Variants in MAP2K5 observed in about 807,000 individuals in gnomAD.
The protein encoded by MAP2K5 is dual specificity mitogen-activated protein kinase kinase 5.
A neutral mutation model predicts 83.1 loss-of-function variants in MAP2K5; 49 were observed. The observed-to-expected ratio is 0.59, with a 90% CI of 0.47 to 0.75. The LOEUF is 0.75. Among genes scored for constraint, MAP2K5 ranks in the 30% least tolerant of loss-of-function variants. MAP2K5 has a pLI of 0.00. For synonymous variants in MAP2K5, 202 were observed against 191.8 expected, an observed-to-expected ratio of 1.05 and a Z score of -0.44; for missense variants, 457 against 557.5, an observed-to-expected ratio of 0.82 and a Z score of 1.82.
chr15:67,549,939 A>G, intron 1 of MAP2K5, 95 bp from the exon 2 acceptor site: 1 of 906,658 alleles, frequency 1.1e-6, no homozygotes, highest in Non-Finnish European at 1.8e-6. Flanking sequence ...CGTTTCAAAA[A>G]TCTTTCCCAG....
intron 17 of MAP2K5, among the ~76,000 whole-genome samples, chr15:67,731,254 G>A (rs1007776185): frequency 5.9e-5 from 9 of 152,164 alleles, no homozygotes; most frequent in African/African-American, 2.2e-4. Context: ...AGCATCATTA[G>A]CAGCCCCTCT....
At chr15:67,728,777 G>A (rs2089159459) in intron 17 of MAP2K5, among the ~76,000 whole-genome samples, 1 of 152,182 alleles carries the variant, frequency 6.6e-6, no homozygotes. Flanking sequence ...AATAAGTGTT[G>A]TATTACACAT....
chr15:67,789,456 C>T (rs184683151), intron 21 of MAP2K5, among the ~76,000 whole-genome samples: 16 of 152,234 alleles, frequency 1.1e-4, no homozygotes, highest in African/African-American at 3.4e-4. Flanking sequence ...GGCGGCTTAA[C>T]GCCTGTAATC....
intron 8 of MAP2K5, among the ~76,000 whole-genome samples, chr15:67,607,052 G>T (rs536798693): frequency 6.6e-6 from 1 of 152,142 alleles, no homozygotes; most frequent in South Asian, 2.1e-4. Flanking sequence ...TGCATGATGT[G>T]TATCTTGTAA....
intron 8 of MAP2K5, among the ~76,000 whole-genome samples, chr15:67,601,336 G>A (rs370944412): frequency 1.2e-4 from 18 of 152,266 alleles, no homozygotes; most frequent in African/African-American, 4.1e-4. Flanking sequence ...AAAAATGCTA[G>A]CCATAAAAAA....
chr15:67,739,450 ATATATATATATATTTTTTTTTTTTTTTT>A (rs2089431821), intron 17 of MAP2K5, among the ~76,000 whole-genome samples: 3 of 17,420 alleles, frequency 1.7e-4, no homozygotes, highest in African/African-American at 6.2e-4. Context: ...ATATATATAT[ATATATATATATATTTTTTTTTTTTTTTT>A]TTTTTTTTTT....
chr15:67,710,032 C>T (rs2088652538), intron 16 of MAP2K5, among the ~76,000 whole-genome samples: 1 of 152,112 alleles, frequency 6.6e-6, no homozygotes, highest in African/African-American at 2.4e-5. Flanking sequence ...AAGCCTGCCC[C>T]CCACCCTTTT....
rs1441013456 is a variant in MAP2K5 at position 67,690,449 on chromosome 15, G to A, written c.848-2030G>A. Among the ~76,000 whole-genome samples, 1 of 152,102 alleles carries A rather than the reference G, an allele frequency of 6.6e-6. No individual in the cohort carries two copies. Among genetic ancestry groups the A allele is most frequent in the African/African-American group, 2.4e-5 (1 of 41,412 alleles). On this transcript the variant is annotated intron_variant, in intron 13 of 21. Coordinates refer to ENST00000178640, the MANE Select transcript of MAP2K5 (RefSeq NM_145160.3). This position sits in a 1 kb window ranked among gnomAD's most constrained non-coding sequence, Gnocchi z 4.3. ...TGGTATATTTAAGGTTTAATATGAT[G>A]ATGGTATAAGAATTATGTTGAAAAA...
intron 9 of MAP2K5, among the ~76,000 whole-genome samples, chr15:67,635,631 A>G (rs1414446016): frequency 1.3e-5 from 2 of 152,014 alleles, no homozygotes; most frequent in African/African-American, 4.8e-5. Flanking sequence ...TTCTTCCTTT[A>G]CATTTCATAT....
intron 8 of MAP2K5, among the ~76,000 whole-genome samples, chr15:67,627,405 T>C (rs1282254526): frequency 2.0e-5 from 3 of 152,242 alleles, no homozygotes; most frequent in Non-Finnish European, 4.4e-5. Flanking sequence ...GAAATATACT[T>C]GAATTTCTGT....
chr15:67,658,671 C>A, intron 12 of MAP2K5, 57 bp downstream of exon 12: 1 of 1,365,452 alleles, frequency 7.3e-7, no homozygotes, highest in Non-Finnish European at 1.0e-6. Flanking sequence ...TCTAATCAAG[C>A]TCATTCTTCT....
intron 21 of MAP2K5, among the ~76,000 whole-genome samples, chr15:67,784,652 G>C (rs912858456): frequency 3.3e-5 from 5 of 152,188 alleles, no homozygotes; most frequent in African/African-American, 1.2e-4. Context: ...GTTTGCACCT[G>C]GTCTGTTAGT....
rs188017879 is a variant in MAP2K5 at position 67,760,122 on chromosome 15, G to A, written c.1135-9480G>A. Among the ~76,000 whole-genome samples the A allele has an allele frequency of 1.2e-3, 178 of 152,318 alleles. 1 individual carries two copies. The highest frequency in any genetic ancestry group is 9.1e-3 in the Admixed American group (140 of 15,302). On this transcript the variant is annotated intron_variant, in intron 19 of 21. Coordinates refer to ENST00000178640, the MANE Select transcript of MAP2K5 (RefSeq NM_145160.3). The surrounding 1 kb of genome is among the most constrained non-coding windows in gnomAD (Gnocchi z 4.1). ...TGGTTTGAAAATTGAAAATAGGTTAGCATTAAGGCCAGGATTCCTTTAGTA... is the reference window on the plus strand; with the variant it reads ...TGGTTTGAAAATTGAAAATAGGTTAACATTAAGGCCAGGATTCCTTTAGTA...
At chr15:67,547,615 C>G (rs1211968704) in intron 1 of MAP2K5, among the ~76,000 whole-genome samples, 1 of 152,012 alleles carries the variant, frequency 6.6e-6, no homozygotes, top group South Asian at 2.1e-4. Flanking sequence ...ACCACACATC[C>G]AGCTAATTTT....
At chr15:67,549,272 T>C in intron 1 of MAP2K5, 1 of 1,356,402 alleles carries the variant, frequency 7.4e-7, no homozygotes, top group East Asian at 2.5e-5. Context: ...GTTTTCAACT[T>C]TATAGATTTA....
At chr15:67,669,156 G>A (rs942306464) in intron 13 of MAP2K5, among the ~76,000 whole-genome samples, 6 of 152,022 alleles carry the variant, frequency 3.9e-5, no homozygotes, top group African/African-American at 9.7e-5. Flanking sequence ...CGTTCTAGGC[G>A]CTTTCACAGT....
chr15:67,798,406 A>G (rs898986198), intron 21 of MAP2K5, among the ~76,000 whole-genome samples: 7 of 152,170 alleles, frequency 4.6e-5, no homozygotes, highest in Non-Finnish European at 8.8e-5. Context: ...TTCCTCCGAC[A>G]AACTCATGAG....
At chr15:67,550,401 A>T (rs1043894102) in intron 2 of MAP2K5, among the ~76,000 whole-genome samples, 1 of 152,204 alleles carries the variant, frequency 6.6e-6, no homozygotes, top group Non-Finnish European at 1.5e-5. Context: ...TAGGCCAGTG[A>T]TTATTGATTA....
intron 8 of MAP2K5, among the ~76,000 whole-genome samples, chr15:67,630,206 C>T (rs2086436998): frequency 6.6e-6 from 1 of 152,182 alleles, no homozygotes; most frequent in African/African-American, 2.4e-5. Flanking sequence ...TGTGTTCCAG[C>T]CTAGGTGTCA....
Sources: gnomAD v4.1 joint callset for allele counts (sites outside exome capture counted in the v4.1 genomes callset) on GRCh38, gnomAD v4.1.1 for gene constraint, Gnocchi (gnomAD v3.1) non-coding constraint, MANE v1.5 for transcripts, NCBI Gene and HGNC (gene_info 2026-07-23, HGNC 2026-07-21) for gene names.